The following XIRP2 variants were observed in gnomAD, a reference collection of about 807,000 sequenced individuals.
XIRP2 encodes the protein xin actin-binding repeat-containing protein 2.
In XIRP2, 236 loss-of-function variants were observed where a neutral mutation model predicts 277.0. The ratio of observed to expected loss-of-function variants is 0.85; its 90% confidence interval spans 0.77 to 0.95. The LOEUF is 0.95. XIRP2 is among the 40% of genes least tolerant of loss of function. XIRP2 has a pLI of 0.00. For missense variants in XIRP2, 4,640 were observed against 4,157.5 expected, an observed-to-expected ratio of 1.12 and a Z score of -3.19; for synonymous variants, 1,490 against 1,416.5, an observed-to-expected ratio of 1.05 and a Z score of -1.17.
At chr2:166,986,194 G>A (rs1285145056) in intron 2 of XIRP2, among the ~76,000 whole-genome samples, 1 of 152,158 alleles carries the variant, frequency 6.6e-6, no homozygotes, top group Non-Finnish European at 1.5e-5. Flanking sequence ...TTAGAGGATG[G>A]CTTTGGAATT....
intron 2 of XIRP2, among the ~76,000 whole-genome samples, chr2:166,943,357 A>G (rs1685771340): frequency 6.6e-6 from 1 of 152,212 alleles, no homozygotes; most frequent in East Asian, 1.9e-4. Context: ...TTTGGGGACT[A>G]TCATGAAATG....
rs375797512 is a variant in XIRP2 at position 167,250,741 on chromosome 2, C to T, written c.9349C>T (p.Arg3117Cys). Residue 3117 changes from arginine (R) to cysteine (C), a missense_variant, in exon 9 of 11, where the codon CGC becomes TGC. Coordinates refer to ENST00000409195, the MANE Select transcript of XIRP2 (RefSeq NM_152381.6). Reference protein sequence around the residue: ...SNIPPPSLKTRPPSPTFITIE... With the variant: ...SNIPPPSLKTCPPSPTFITIE... ...CATTCCTCCTCCCTCTTTAAAAACA[C>T]GCCCACCGTCACCAACTTTTATCAC... 23 of 1,613,426 alleles carry T rather than the reference C, an allele frequency of 1.4e-5. No individual in the cohort carries two copies. The highest frequency in any genetic ancestry group is 1.6e-4 in the Middle Eastern group (1 of 6,084).
intron 2 of XIRP2, among the ~76,000 whole-genome samples, chr2:167,024,826 T>C (rs1044782699): frequency 2.6e-5 from 4 of 152,084 alleles, no homozygotes; most frequent in Middle Eastern, 3.2e-3. Flanking sequence ...GGTGGATAAG[T>C]TTTTTGATGT....
intron 3 of XIRP2, among the ~76,000 whole-genome samples, chr2:167,186,258 G>A (rs60361159): frequency 0.098 from 14,982 of 152,180 alleles, 782 homozygotes; most frequent in South Asian, 0.15. Flanking sequence ...ATCTCAGAAA[G>A]TTGTTCTTAG....
chr2:167,011,034 T>A (rs1328208498), intron 2 of XIRP2, among the ~76,000 whole-genome samples: 2 of 152,102 alleles, frequency 1.3e-5, no homozygotes, highest in Non-Finnish European at 2.9e-5. Context: ...CAATATGACT[T>A]CCTCTTTTCC....
chr2:166,948,547 T>C (rs1558927027), intron 2 of XIRP2, among the ~76,000 whole-genome samples: 1 of 152,086 alleles, frequency 6.6e-6, no homozygotes, highest in Non-Finnish European at 1.5e-5. Context: ...CAATAATCTT[T>C]GTGGGCTAAG....
intron 3 of XIRP2, among the ~76,000 whole-genome samples, chr2:167,189,399 G>C (rs1293130812): frequency 1.3e-5 from 2 of 152,182 alleles, no homozygotes; most frequent in African/African-American, 4.8e-5. Flanking sequence ...GTGCCCAGCA[G>C]TGTAATTCCA....
In XIRP2 at chr2:167,250,782, C is replaced by T. The variant is rs2105448270; in HGVS notation, c.9390C>T (p.Ala3130=). The T allele has an allele frequency of 1.2e-6, 2 of 1,613,396 alleles. No homozygotes were observed. The highest frequency in any genetic ancestry group is 1.7e-6 in the Non-Finnish European group (2 of 1,179,702). Residue 3130 remains alanine (A), a synonymous_variant, in exon 9 of 11, where the codon GCC becomes GCT. Transcript: ENST00000409195. The part of the protein sequence containing the change: ...SPTFITIEST[A]RRTENPTKNE... ...CTTTTATCACAATAGAATCTACTGC[C>T]CGACGAACAGAAAACCCTACTAAGA...
intron 2 of XIRP2, among the ~76,000 whole-genome samples, chr2:167,076,106 G>A (rs1237639123): frequency 6.6e-6 from 1 of 152,120 alleles, no homozygotes; most frequent in Non-Finnish European, 1.5e-5. Flanking sequence ...ATGGTATCAT[G>A]AGAGTGGGCA....
intron 2 of XIRP2, among the ~76,000 whole-genome samples, chr2:166,920,830 T>C (rs1446342087): frequency 6.6e-6 from 1 of 152,050 alleles, no homozygotes; most frequent in African/African-American, 2.4e-5. Context: ...CTGGGTGAAC[T>C]GTTTTTGTCT....
chr2:167,078,141 T>G (rs1574231054), intron 2 of XIRP2, among the ~76,000 whole-genome samples: 2 of 152,380 alleles, frequency 1.3e-5, no homozygotes, highest in East Asian at 3.9e-4. Flanking sequence ...GTCTGCGTCA[T>G]CTATAATTTC....
intron 2 of XIRP2, among the ~76,000 whole-genome samples, chr2:167,094,388 C>A (rs1263385773): frequency 6.6e-6 from 1 of 152,156 alleles, no homozygotes; most frequent in Non-Finnish European, 1.5e-5. Flanking sequence ...GAAGTCTTTG[C>A]CCATCCCTAG....
intron 2 of XIRP2, among the ~76,000 whole-genome samples, chr2:166,958,791 C>T (rs953248808): frequency 6.6e-5 from 10 of 151,684 alleles, no homozygotes; most frequent in African/African-American, 2.4e-4. Flanking sequence ...GTCTTTTTCC[C>T]GCAATAAAAA....
At chr2:166,913,782 T>C (rs1684784818) in intron 2 of XIRP2, among the ~76,000 whole-genome samples, 1 of 152,204 alleles carries the variant, frequency 6.6e-6, no homozygotes, top group Non-Finnish European at 1.5e-5. Context: ...CTCCCACAGG[T>C]AAGTTTAACT....
At chr2:167,081,218 C>A (rs1380245266) in intron 2 of XIRP2, among the ~76,000 whole-genome samples, 5 of 152,136 alleles carry the variant, frequency 3.3e-5, no homozygotes, top group African/African-American at 1.2e-4. Flanking sequence ...ATAATCCCAG[C>A]ACTTTGGGAG....
intron 2 of XIRP2, among the ~76,000 whole-genome samples, chr2:167,119,591 T>A (rs1367943651): frequency 6.6e-6 from 1 of 152,226 alleles, no homozygotes; most frequent in Non-Finnish European, 1.5e-5. Flanking sequence ...TTGATTGTGC[T>A]TCTTTGTCAA....
chr2:167,201,961 A>G (rs1021781229), intron 3 of XIRP2, among the ~76,000 whole-genome samples: 3 of 152,190 alleles, frequency 2.0e-5, no homozygotes, highest in African/African-American at 7.2e-5. Flanking sequence ...TCTGAGTGTT[A>G]CTTCCTCAAC....
rs7581190 is a variant in XIRP2 at position 167,247,689 on chromosome 2, C to G, written c.6297C>G (p.Asp2099Glu). Residue 2099 changes from aspartate (D) to glutamate (E), a missense_variant, in exon 9 of 11, where the codon GAC becomes GAG. Transcript: ENST00000409195. Reference sequence around the variant, plus strand: ...ATAATCTAACAACTAAAGAATCAGACAGGGCAGTGAGAGAGCTGAAGAAGG... The same window carrying G: ...ATAATCTAACAACTAAAGAATCAGAGAGGGCAGTGAGAGAGCTGAAGAAGG... ...VKNNLTTKESDRAVRELKKDD... is the reference protein window; with the variant it reads ...VKNNLTTKESERAVRELKKDD... The G allele has an allele frequency of 6.2e-6, 10 of 1,613,298 alleles. No individual in the cohort carries two copies. Among genetic ancestry groups the G allele is most frequent in the Non-Finnish European group, 7.6e-6 (9 of 1,179,666 alleles).
intron 2 of XIRP2, among the ~76,000 whole-genome samples, chr2:166,914,234 A>G (rs894068211): frequency 7.2e-5 from 11 of 152,218 alleles, no homozygotes; most frequent in African/African-American, 2.2e-4. Flanking sequence ...ACGCAAGGAA[A>G]TGGATGCTCC....
Sources: allele counts gnomAD v4.1 joint callset (sites outside exome capture counted in the v4.1 genomes callset), GRCh38; gene constraint gnomAD v4.1.1; transcripts MANE v1.5; gene names NCBI Gene and HGNC (gene_info 2026-07-23, HGNC 2026-07-21).